Variants in MAML3 observed in about 807,000 individuals in gnomAD.
MAML3 encodes the protein mastermind-like protein 3.
Under a neutral mutation model 101.9 loss-of-function variants are expected in MAML3, and 27 were observed. The ratio of observed to expected loss-of-function variants is 0.27; its 90% CI spans 0.20 to 0.37. The LOEUF is 0.37. Ranked by LOEUF, MAML3 falls within the 10% of genes least tolerant of loss-of-function variation. MAML3 has a pLI of 1.00. For missense variants in MAML3, 1,316 were observed against 1,444.9 expected (o/e 0.91, Z 1.45); for synonymous variants, 501 against 555.9 (o/e 0.90, Z 1.39).
intron 2 of MAML3, among the ~76,000 whole-genome samples, chr4:139,762,947 T>G (rs1729784945): frequency 6.6e-6 from 1 of 152,174 alleles, no homozygotes; most frequent in Admixed American, 6.5e-5. Context: ...AAAGTTAGGC[T>G]TCCTGACATT....
At chr4:140,107,373 T>C (rs1728369027) in intron 1 of MAML3, among the ~76,000 whole-genome samples, 1 of 152,208 alleles carries the variant, frequency 6.6e-6, no homozygotes, top group African/African-American at 2.4e-5. Context: ...ATTGAGTCCT[T>C]TGACTGTATA....
intron 1 of MAML3, among the ~76,000 whole-genome samples, chr4:140,048,020 A>G (rs2110918313): frequency 6.6e-6 from 1 of 152,136 alleles, no homozygotes; most frequent in African/African-American, 2.4e-5. Flanking sequence ...GACCCCACAT[A>G]CTTCCTTTAA....
intron 2 of MAML3, among the ~76,000 whole-genome samples, chr4:139,792,317 A>G (rs795998): frequency 0.18 from 27,423 of 152,200 alleles, 2,630 homozygotes; most frequent in Non-Finnish European, 0.2. Flanking sequence ...CTTTACAGAT[A>G]GCATATTTAA....
chr4:139,836,143 C>G (rs1446537240), intron 2 of MAML3, among the ~76,000 whole-genome samples: 2 of 152,204 alleles, frequency 1.3e-5, no homozygotes, highest in Admixed American at 1.3e-4. Flanking sequence ...ACCATTCTGT[C>G]TCTTCACTTT....
At chr4:140,033,167 C>T (rs1001141630) in intron 1 of MAML3, among the ~76,000 whole-genome samples, 3 of 152,196 alleles carry the variant, frequency 2.0e-5, no homozygotes, top group African/African-American at 7.2e-5. Flanking sequence ...ACTTATTGAA[C>T]ACATCCTGTG....
intron 1 of MAML3, among the ~76,000 whole-genome samples, chr4:139,906,829 C>G (rs913710386): frequency 6.6e-6 from 1 of 152,144 alleles, no homozygotes; most frequent in Non-Finnish European, 1.5e-5. Context: ...CTCTCTAAAA[C>G]TCCCCTGGGA....
chr4:139,728,449 A>G (rs1271497535), intron 3 of MAML3, among the ~76,000 whole-genome samples: 1 of 152,204 alleles, frequency 6.6e-6, no homozygotes, highest in Non-Finnish European at 1.5e-5. Flanking sequence ...ACATGATCTT[A>G]TGTGATCCTT....
At chr4:140,135,570 A>T (rs1264446047) in intron 1 of MAML3, among the ~76,000 whole-genome samples, 2 of 152,248 alleles carry the variant, frequency 1.3e-5, no homozygotes, top group African/African-American at 4.8e-5. Context: ...GCTTTTCCAC[A>T]TGGCCTGGGT....
intron 2 of MAML3, among the ~76,000 whole-genome samples, chr4:139,739,108 C>A (rs1729064756): frequency 6.6e-6 from 1 of 152,238 alleles, no homozygotes; most frequent in African/African-American, 2.4e-5. Context: ...TACAGATTTA[C>A]TGAACTCAAC....
intron 1 of MAML3, among the ~76,000 whole-genome samples, chr4:140,009,900 G>C (rs1044765339): frequency 2.0e-5 from 3 of 152,186 alleles, no homozygotes; most frequent in African/African-American, 7.2e-5. Context: ...TCATTAATTA[G>C]ACATTCTAGG....
chr4:139,953,142 C>T (rs1159137910), intron 1 of MAML3, among the ~76,000 whole-genome samples: 2 of 152,170 alleles, frequency 1.3e-5, no homozygotes, highest in Admixed American at 6.5e-5. Flanking sequence ...AATGTGCCTA[C>T]ATATACACTT....
intron 2 of MAML3, among the ~76,000 whole-genome samples, chr4:139,822,534 T>G (rs1161847931): frequency 2.0e-5 from 3 of 152,146 alleles, no homozygotes; most frequent in Non-Finnish European, 4.4e-5. Flanking sequence ...CAGCAGGGCT[T>G]TTATGCCAGG....
At chr4:139,829,494 A>G (rs905239247) in intron 2 of MAML3, among the ~76,000 whole-genome samples, 10 of 152,198 alleles carry the variant, frequency 6.6e-5, no homozygotes, top group African/African-American at 2.4e-4. Context: ...GCCAGGAGGC[A>G]GATGAGGAAG....
intron 2 of MAML3, among the ~76,000 whole-genome samples, chr4:139,875,045 T>C (rs2604927): frequency 0.79 from 120,747 of 152,022 alleles, 48,500 homozygotes; most frequent in African/African-American, 0.92. Flanking sequence ...CCTCGTGATC[T>C]GCCCACCTCG....
At chr4:139,838,804 C>T (rs934509692) in intron 2 of MAML3, among the ~76,000 whole-genome samples, 3 of 152,166 alleles carry the variant, frequency 2.0e-5, no homozygotes, top group Non-Finnish European at 4.4e-5. Context: ...AAAACACGCA[C>T]TGCCACTTTC....
chr4:140,004,009 C>A (rs779903325), intron 1 of MAML3, among the ~76,000 whole-genome samples: 1 of 152,224 alleles, frequency 6.6e-6, no homozygotes, highest in Non-Finnish European at 1.5e-5. Context: ...AAGCTATAGG[C>A]AATGGGAAGA....
intron 1 of MAML3, among the ~76,000 whole-genome samples, chr4:140,124,146 A>G (rs1728650780): frequency 6.6e-6 from 1 of 152,134 alleles, no homozygotes; most frequent in Non-Finnish European, 1.5e-5. Context: ...CTTTTCTCTG[A>G]CGTTTTTAAC....
At chr4:139,855,460 T>G (rs1267560375) in intron 2 of MAML3, among the ~76,000 whole-genome samples, 1 of 152,242 alleles carries the variant, frequency 6.6e-6, no homozygotes, top group Non-Finnish European at 1.5e-5. Flanking sequence ...ATTTTTCCTC[T>G]GTTTTTCAAC....
Position 139,727,952 on chromosome 4 carries a change from A to G in MAML3, c.2332-2117T>C, listed in dbSNP as rs182121516. On this transcript the variant is annotated intron_variant, in intron 3 of 4. Coordinates refer to ENST00000509479, the MANE Select transcript of MAML3 (RefSeq NM_018717.5). ...GAGAGCTGGCCGGGTGCCGTGGCTCACACCTGTAACCCCAGCACTTTGGGA... is the reference window on the plus strand; with the variant it reads ...GAGAGCTGGCCGGGTGCCGTGGCTCGCACCTGTAACCCCAGCACTTTGGGA... Among the ~76,000 whole-genome samples the G allele has an allele frequency of 4.1e-4, 63 of 152,282 alleles. 1 individual carries two copies. The highest frequency in any genetic ancestry group is 4.1e-3 in the Admixed American group (63 of 15,296).
Sources: gnomAD v4.1 joint callset for allele counts (sites outside exome capture counted in the v4.1 genomes callset) on GRCh38, gnomAD v4.1.1 for gene constraint, MANE v1.5 for transcripts, NCBI Gene and HGNC (gene_info 2026-07-23, HGNC 2026-07-21) for gene names.